LAMB4: variants seen among roughly 807,000 people sequenced by gnomAD.
LAMB4 encodes laminin subunit beta-4.
Under a neutral mutation model 199.2 loss-of-function variants are expected in LAMB4, and 196 were observed. The ratio of observed to expected loss-of-function variants is 0.98; its 90% CI spans 0.88 to 1.11. The LOEUF (loss-of-function observed/expected upper bound fraction) is 1.11, where lower values mean the gene tolerates loss of function less well. LAMB4 is among the 50% of genes least tolerant of loss of function. The pLI, the probability that LAMB4 is intolerant of heterozygous loss-of-function variation, is 0.00. For synonymous variants in LAMB4, 744 were observed against 770.6 expected (o/e 0.97, Z 0.57); for missense variants, 2,080 against 2,171.2 (o/e 0.96, Z 0.83).
chr7:108,047,205 A>G (rs1392851481), intron 28 of LAMB4, among the ~76,000 whole-genome samples: 5 of 152,078 alleles, frequency 3.3e-5, no homozygotes, highest in Admixed American at 6.6e-5. Flanking sequence ...ACACGTACAC[A>G]CTTGACTTTT....
Position 108,091,706 on chromosome 7 carries a change from GGGCT to G in LAMB4, c.1617_1620del (p.Ala540LeufsTer8). 6.2e-7 allele frequency: 1 copy of G among 1,614,194 alleles called. No homozygotes were observed. Among genetic ancestry groups the G allele is most frequent in the Non-Finnish European group, 8.5e-7 (1 of 1,180,030 alleles). On this transcript the variant is annotated frameshift_variant, in exon 14 of 34. Transcript: ENST00000388781. LOFTEE classifies it high-confidence loss of function. Reference sequence around the variant, plus strand: ...TTCAAAGGAGCAAAGAAGTAGCCAGGGGCTGGTTCAGAGCAGCTACGGCCAGTGA... The same window carrying G: ...TTCAAAGGAGCAAAGAAGTAGCCAGGGGTTCAGAGCAGCTACGGCCAGTGA...
chr7:108,016,627 A>G, the LAMB4 span, among the ~76,000 whole-genome samples: 1 of 152,220 alleles, frequency 6.6e-6, no homozygotes, highest in Admixed American at 6.5e-5. Flanking sequence ...GACAGGCAAC[A>G]TCAGTGAGAA....
intron 2 of LAMB4, among the ~76,000 whole-genome samples, chr7:108,121,601 A>G (rs971416939): frequency 1.3e-4 from 20 of 152,092 alleles, no homozygotes; most frequent in African/African-American, 4.1e-4. Context: ...AATACAAAAA[A>G]TTAGCTGGGC....
At chr7:108,107,857 G>T in intron 5 of LAMB4, 38 bp from the exon 6 acceptor site, 5 of 1,420,602 alleles carry the variant, frequency 3.5e-6, no homozygotes, top group South Asian at 2.6e-5. Flanking sequence ...ATTTCACAAA[G>T]GCAGATTTTA....
At chr7:108,091,427 C>A (rs1304722716) in intron 14 of LAMB4, among the ~76,000 whole-genome samples, 199 bp downstream of exon 14, 2 of 152,142 alleles carry the variant, frequency 1.3e-5, no homozygotes, top group Non-Finnish European at 2.9e-5. Context: ...ACCTGGGATA[C>A]AAAGATGAAC....
At chr7:108,117,989 A>G (rs1219718763) in intron 2 of LAMB4, among the ~76,000 whole-genome samples, 2 of 152,050 alleles carry the variant, frequency 1.3e-5, no homozygotes, top group Admixed American at 6.6e-5. Context: ...CTGACCTCCT[A>G]TCTCATCCTG....
chr7:108,039,933 A>C (rs926779827), intron 29 of LAMB4, among the ~76,000 whole-genome samples: 11 of 152,230 alleles, frequency 7.2e-5, no homozygotes, highest in African/African-American at 2.7e-4. Flanking sequence ...GGCAAAAGAA[A>C]GAACAAAGCG....
intron 31 of LAMB4, among the ~76,000 whole-genome samples, chr7:108,032,261 G>A (rs113786021): frequency 0.015 from 2,221 of 152,100 alleles, 57 homozygotes; most frequent in African/African-American, 0.05. Flanking sequence ...TTGGTGGTAC[G>A]CACCTGTAAT....
rs1184279706 is a variant in LAMB4 at position 108,024,179 on chromosome 7, C to A, written c.5147-1G>T. ...AAATCTTGGATTTTCCTTTCTAAAT[C>A]TGAAAGAAGAAAATGAAAGAAATGA... On this transcript the variant is annotated splice_acceptor_variant, in intron 33 of 33. Coordinates refer to ENST00000388781, the MANE Select transcript of LAMB4 (RefSeq NM_007356.3). LOFTEE classifies it high-confidence loss of function. 2.6e-6 allele frequency: 4 copies of A among 1,529,756 alleles called. No individual in the cohort carries two copies. The highest frequency in any genetic ancestry group is 2.7e-6 in the Non-Finnish European group (3 of 1,124,090). 94.8% of individuals were successfully genotyped at this position (1,529,756 alleles called of 1,614,324 possible).
At chr7:108,087,427 CA>C (rs2037225507) in intron 14 of LAMB4, among the ~76,000 whole-genome samples, 1 of 152,074 alleles carries the variant, frequency 6.6e-6, no homozygotes, top group Non-Finnish European at 1.5e-5. Flanking sequence ...TGCATATGCA[CA>C]CAGGAAGGCT....
At chr7:108,054,665 G>A (rs2150531049) in intron 25 of LAMB4, among the ~76,000 whole-genome samples, 1 of 152,230 alleles carries the variant, frequency 6.6e-6, no homozygotes, top group East Asian at 1.9e-4. Context: ...AGGAATCATA[G>A]CATCTCTGTC....
At chr7:108,058,163 G>A (rs2036046937) in intron 23 of LAMB4, among the ~76,000 whole-genome samples, 1 of 152,158 alleles carries the variant, frequency 6.6e-6, no homozygotes, top group African/African-American at 2.4e-5. Context: ...TCAGGGACAG[G>A]TGGCCCAAAC....
rs1461705177 is a variant in LAMB4, at chr7:108,105,817, C to T, written c.870G>A (p.Met290Ile). 21 of 1,613,690 alleles carry T rather than the reference C, an allele frequency of 1.3e-5. No individual in the cohort carries two copies. Among genetic ancestry groups the T allele is most frequent in the Admixed American group, 6.7e-5 (4 of 60,008 alleles). Residue 290 changes from methionine (M) to isoleucine (I), a missense_variant and splice_region_variant, in exon 8 of 34, where the codon ATG (methionine) becomes ATA (isoleucine). By Grantham distance (10) the Met-to-Ile change is conservative. Coordinates refer to ENST00000388781, the MANE Select transcript of LAMB4 (RefSeq NM_007356.3). The part of the protein sequence containing the change: ...MRGDVFSPPG[M>I]VHGQCVCQHN... ...CTGTTCTTTTGGATTAATAACTCAC[C>T]ATTCCAGGAGGGCTGAAAACATCTC...
Position 108,037,510 on chromosome 7 carries a change from G to T in LAMB4, c.4557C>A (p.Thr1519=). ...IHLPIPSQNL[T]DELVKIQKHM... ...GTTTCTGTATTTTGACAAGTTCATC[G>T]GTTAGATTTTGGGATGGAATTGGTA... The change falls in exon 30 of 34, where the codon ACC becomes ACA. Residue 1519 remains threonine, a synonymous_variant. Coordinates refer to ENST00000388781, the MANE Select transcript of LAMB4 (RefSeq NM_007356.3). The T allele has an allele frequency of 3.7e-6, 6 of 1,613,984 alleles. No individual in the cohort carries two copies. Among genetic ancestry groups the T allele is most frequent in the Non-Finnish European group, 5.1e-6 (6 of 1,179,940 alleles).
chr7:108,085,519 G>A (rs1466395893), intron 14 of LAMB4, among the ~76,000 whole-genome samples: 1 of 152,156 alleles, frequency 6.6e-6, no homozygotes, highest in Non-Finnish European at 1.5e-5. Flanking sequence ...ATGAAAGAAA[G>A]TATAAAGCTT....
At chr7:108,118,557 G>C (rs1584788742) in intron 2 of LAMB4, among the ~76,000 whole-genome samples, 1 of 152,172 alleles carries the variant, frequency 6.6e-6, no homozygotes, top group East Asian at 1.9e-4. Flanking sequence ...TGGTGCTGGA[G>C]CAATTGGATC....
intron 29 of LAMB4, among the ~76,000 whole-genome samples, chr7:108,043,545 G>GTT (rs748169558): frequency 5.4e-5 from 3 of 55,996 alleles, no homozygotes; most frequent in Non-Finnish European, 2.9e-5. Flanking sequence ...TGGCTATGAT[G>GTT]TTTTTTTTTT....
Position 108,062,956 on chromosome 7 carries a change from A to G in LAMB4, c.3100T>C (p.Cys1034Arg). 2.5e-6 allele frequency: 4 copies of G among 1,595,720 alleles called. No individual in the cohort carries two copies. The African/African-American group carries it at 5.4e-5, about 22-fold the overall frequency. Residue 1034 changes from cysteine to arginine, a missense_variant, in exon 23 of 34, where the codon TGT becomes CGT. Physicochemically the swap from Cys to Arg is radical, Grantham distance 180. Coordinates refer to ENST00000388781, the MANE Select transcript of LAMB4 (RefSeq NM_007356.3). ...AGGCAAGCTCCCCCACCAGGGGGAC[A>G]CTCCATGGGACTCACGCCGGAAGCA... is the stretch of plus-strand genomic sequence containing the variant. ...CHASGVSPME[C>R]PPGGGACLCD...
chr7:108,048,221 A>G, intron 27 of LAMB4, 110 bp from the exon 28 acceptor site: 1 of 876,290 alleles, frequency 1.1e-6, no homozygotes, highest in Non-Finnish European at 1.7e-6. Flanking sequence ...CTGGAGAGCA[A>G]TAGCGTGACC....
Sources: allele counts gnomAD v4.1 joint callset (sites outside exome capture counted in the v4.1 genomes callset), GRCh38; gene constraint gnomAD v4.1.1; transcripts MANE v1.5; gene names NCBI Gene and HGNC (gene_info 2026-07-23, HGNC 2026-07-21).